The following LGALS8 variants were observed in gnomAD, a reference collection of about 807,000 sequenced individuals.
LGALS8 encodes the protein galectin-8.
LGALS8 carries 30 observed loss-of-function variants against 35.9 expected under a neutral mutation model. That is an observed-to-expected ratio of 0.83 (90% CI 0.62 to 1.13). The LOEUF (loss-of-function observed/expected upper bound fraction) is 1.13. Among genes scored for constraint, LGALS8 ranks in the 50% most tolerant of loss-of-function variants. The pLI, the probability that LGALS8 is intolerant of heterozygous loss-of-function variation, is 0.00. For synonymous variants in LGALS8, 138 were observed against 136.1 expected, an observed-to-expected ratio of 1.01 and a Z score of -0.10; for missense variants, 366 against 388.7, an observed-to-expected ratio of 0.94 and a Z score of 0.49.
intron 3 of LGALS8, among the ~76,000 whole-genome samples, chr1:236,537,977 C>T (rs562723140): frequency 1.7e-4 from 25 of 147,108 alleles, no homozygotes; most frequent in African/African-American, 5.2e-4. Flanking sequence ...TGGTGGTGTG[C>T]GCCTGTAGTT....
At chr1:236,546,690 TG>T (rs1163792813) in intron 9 of LGALS8, among the ~76,000 whole-genome samples, 7 of 152,382 alleles carry the variant, frequency 4.6e-5, no homozygotes, top group Non-Finnish European at 8.8e-5. Flanking sequence ...TGTAATTCAC[TG>T]GCTTTGCACT....
At chr1:236,532,728 C>G (rs1487542025) in intron 2 of LGALS8, among the ~76,000 whole-genome samples, 1 of 152,124 alleles carries the variant, frequency 6.6e-6, no homozygotes, top group African/African-American at 2.4e-5. Flanking sequence ...CCTGTAATCC[C>G]AGCTATTCAG....
At chr1:236,520,747 TTCTCCCACTAC>T (rs1660526884), upstream of LGALS8, among the ~76,000 whole-genome samples, 1 of 152,190 alleles carries the variant, frequency 6.6e-6, no homozygotes, top group Non-Finnish European at 1.5e-5. Flanking sequence ...CGAGGTGATT[TTCTCCCACTAC>T]TCTCCTAGGT....
At chr1:236,547,090 G>C (rs1376883057) in intron 9 of LGALS8, among the ~76,000 whole-genome samples, 1 of 152,202 alleles carries the variant, frequency 6.6e-6, no homozygotes, top group South Asian at 2.1e-4. Context: ...CTCGGGGTGG[G>C]GCCGGGTTAG....
chr1:236,545,004 T>A, intron 9 of LGALS8, 89 bp downstream of exon 9: 1 of 1,032,774 alleles, frequency 9.7e-7, no homozygotes, highest in Non-Finnish European at 1.4e-6. Context: ...AAGTCCTAAC[T>A]CAGTATGTGG....
rs1414801402 is a variant in LGALS8 at position 236,548,476 on chromosome 1, T to C, written c.*315T>C. Reference sequence around the variant, plus strand: ...CTACTATAATACAGTAGCTAACATGTATTGAGCACAGATTTTTTTTGGTAA... The same window carrying C: ...CTACTATAATACAGTAGCTAACATGCATTGAGCACAGATTTTTTTTGGTAA... On this transcript the variant is annotated 3_prime_UTR_variant, in exon 10 of 10. Coordinates refer to ENST00000366584, the MANE Select transcript of LGALS8 (RefSeq NM_201544.4). 1 of 306,362 alleles carries C rather than the reference T, an allele frequency of 3.3e-6. No homozygotes were observed. Among genetic ancestry groups the C allele is most frequent in the Non-Finnish European group, 6.0e-6 (1 of 166,410 alleles). 19.0% of individuals were successfully genotyped at this position (306,362 alleles called of 1,614,324 possible).
chr1:236,528,450 G>A (rs1462638469), intron 2 of LGALS8, among the ~76,000 whole-genome samples: 1 of 150,066 alleles, frequency 6.7e-6, no homozygotes, highest in Non-Finnish European at 1.5e-5. Context: ...TTACTGATAG[G>A]TTCAATAAGT....
At chr1:236,532,679 G>T (rs1227412735) in intron 2 of LGALS8, among the ~76,000 whole-genome samples, 1 of 151,790 alleles carries the variant, frequency 6.6e-6, no homozygotes, top group Admixed American at 6.6e-5. Flanking sequence ...CCATCTCTAC[G>T]AAAAATACAA....
In LGALS8 at chr1:236,538,824, C is replaced by G. The variant is rs568378647; in HGVS notation, c.135-55C>G. On this transcript the variant is annotated intron_variant, in intron 3 of 9. Transcript: ENST00000366584. ...GAGTGTAGTGCCTGCTGGTCCTTTA[C>G]TGGTGGCTTTCCTTTCTGAGCACTC... is the stretch of plus-strand genomic sequence containing the variant. The G allele has an allele frequency of 6.2e-6, 8 of 1,296,090 alleles. No individual in the cohort carries two copies. The African/African-American group carries it at 1.0e-4, about 16-fold the overall frequency. 80.3% of individuals were successfully genotyped at this position (1,296,090 alleles called of 1,614,324 possible). A position where few individuals can be genotyped will look rare whatever the true frequency, so the allele number is the denominator to read the frequency against.
chr1:236,530,137 T>C (rs1292834051), intron 2 of LGALS8, among the ~76,000 whole-genome samples: 1 of 152,256 alleles, frequency 6.6e-6, no homozygotes, highest in African/African-American at 2.4e-5. Flanking sequence ...AGAAATCATT[T>C]AGAAATGAAA....
At chr1:236,523,425 C>T (rs1248665607), upstream of LGALS8, 1 of 156,020 alleles carries the variant, frequency 6.4e-6, no homozygotes, top group East Asian at 1.9e-4. Context: ...CTCCAAGTCT[C>T]TTCTGGCACT....
chr1:236,519,366 G>A (rs1660490781), upstream of LGALS8, among the ~76,000 whole-genome samples: 3 of 151,868 alleles, frequency 2.0e-5, no homozygotes, highest in African/African-American at 7.3e-5. Flanking sequence ...ACTCCAGCCT[G>A]GGTAATAGAG....
At position 236,548,130 on chromosome 1, in the gene LGALS8, A is replaced by G. The variant is rs764655958; in HGVS notation, c.923A>G (p.Asp308Gly). 3 of 1,614,000 alleles carry G rather than the reference A, an allele frequency of 1.9e-6. No homozygotes were observed. The South Asian group carries it at 3.3e-5, about 18-fold the overall frequency. The change falls in exon 10 of 10, where the codon GAC becomes GGC. Residue 308 changes from aspartate (D) to glycine (G), a missense_variant. By Grantham distance (94) the Asp-to-Gly change is moderately conservative (BLOSUM62 -1). Transcript: ENST00000366584. ...ATTGACACGCTGGAAATTAATGGAG[A>G]CATCCACTTACTGGAAGTAAGGAGC... is the stretch of plus-strand genomic sequence containing the variant. ...SSIDTLEING[D>G]IHLLEVRSW
At chr1:236,535,674 G>T (rs1661443787) in intron 2 of LGALS8, among the ~76,000 whole-genome samples, 1 of 152,182 alleles carries the variant, frequency 6.6e-6, no homozygotes, top group African/African-American at 2.4e-5. Flanking sequence ...CAGATACTCT[G>T]ATGTGCAGCT....
At chr1:236,527,732 A>AT (rs200483025) in intron 2 of LGALS8, among the ~76,000 whole-genome samples, 42 of 149,688 alleles carry the variant, frequency 2.8e-4, no homozygotes, top group East Asian at 5.9e-4. Context: ...TATTCAATTA[A>AT]TTTTTTTTTT....
chr1:236,547,511 T>TATTA (rs750316284), intron 9 of LGALS8, among the ~76,000 whole-genome samples: 1 of 151,630 alleles, frequency 6.6e-6, no homozygotes, highest in South Asian at 2.1e-4. Context: ...TGAAATTTCA[T>TATTA]ATTAATTGTC....
intron 3 of LGALS8, among the ~76,000 whole-genome samples, chr1:236,538,493 G>A (rs1290174702): frequency 6.6e-6 from 1 of 152,222 alleles, no homozygotes; most frequent in African/African-American, 2.4e-5. Context: ...CTGGATGGGT[G>A]CATGTGGTGT....
At chr1:236,519,026 A>C (rs115804615), upstream of LGALS8, among the ~76,000 whole-genome samples, 5,081 of 152,236 alleles carry the variant, frequency 0.033, 138 homozygotes, top group Non-Finnish European at 0.048. Flanking sequence ...CATGTCTAAA[A>C]TCATGATTTT....
At position 236,527,558 on chromosome 1, in the gene LGALS8, G is replaced by A. The variant is rs529631068; in HGVS notation, c.45+1443G>A. Among the ~76,000 whole-genome samples, 21 of 152,096 alleles carry A rather than the reference G, an allele frequency of 1.4e-4. No homozygotes were observed. In the South Asian group the frequency reaches 4.2e-3, roughly 30 times the overall value. On this transcript the variant is annotated intron_variant, in intron 2 of 9. Coordinates refer to ENST00000366584, the MANE Select transcript of LGALS8 (RefSeq NM_201544.4). ...CACAAAAGAGTCGGAAAGGTTAGAG[G>A]TAGACTGAACTGAATGGCAAAAACA...
Sources: gnomAD v4.1 joint callset for allele counts (sites outside exome capture counted in the v4.1 genomes callset) on GRCh38, gnomAD v4.1.1 for gene constraint, MANE v1.5 for transcripts, NCBI Gene and HGNC (gene_info 2026-07-23, HGNC 2026-07-21) for gene names.